Variants in DNAH2 observed in about 807,000 individuals in gnomAD.
The protein encoded by DNAH2 is axonemal beta dynein heavy chain 2.
DNAH2 carries 323 observed loss-of-function variants against 523.5 expected under a neutral mutation model. The observed-to-expected ratio is 0.62, with a 90% CI of 0.56 to 0.68. DNAH2 has a LOEUF of 0.68. DNAH2 is among the 30% of genes least tolerant of loss of function. The pLI, the probability that DNAH2 is intolerant of heterozygous loss-of-function variation, is 0.00. For missense variants in DNAH2, 4,907 were observed against 5,701.5 expected (o/e 0.86, Z 4.49); for synonymous variants, 2,093 against 2,177.4 (o/e 0.96, Z 1.08).
At chr17:7,825,446 A>G (rs73977765) in intron 77 of DNAH2, among the ~76,000 whole-genome samples, 13,528 of 152,234 alleles carry the variant, frequency 0.089, 1,978 homozygotes, top group African/African-American at 0.31. Context: ...TTTCATCATT[A>G]TTAATCCTCC....
At chr17:7,797,965 G>T (rs1174775069) in intron 53 of DNAH2, 136 bp downstream of exon 53, 2 of 1,407,276 alleles carry the variant, frequency 1.4e-6, no homozygotes, top group Non-Finnish European at 1.9e-6. Flanking sequence ...GATGCCCTGT[G>T]GCAGTGTGTG....
At chr17:7,825,282 G>A (rs573673273) in intron 77 of DNAH2, among the ~76,000 whole-genome samples, 92 of 152,218 alleles carry the variant, frequency 6.0e-4, no homozygotes, top group African/African-American at 2.0e-3. Context: ...GTGTCACTGC[G>A]CTTCACCCAC....
At chr17:7,720,396 G>T (rs1360407620) in intron 2 of DNAH2, among the ~76,000 whole-genome samples, 2 of 152,172 alleles carry the variant, frequency 1.3e-5, no homozygotes, top group Admixed American at 6.6e-5. Context: ...CCTCATTTTG[G>T]CAGGGACTTG....
At chr17:7,814,743 G>A (rs929149418) in intron 63 of DNAH2, among the ~76,000 whole-genome samples, 2 of 152,134 alleles carry the variant, frequency 1.3e-5, no homozygotes, top group Middle Eastern at 3.2e-3. Context: ...CCAGCTACTC[G>A]GGAGGCTGAG....
At chr17:7,753,061 A>G (rs372898018) in intron 12 of DNAH2, among the ~76,000 whole-genome samples, 1 of 152,200 alleles carries the variant, frequency 6.6e-6, no homozygotes, top group East Asian at 1.9e-4. Context: ...GTTGCCATTT[A>G]TCATCACACT....
intron 39 of DNAH2, among the ~76,000 whole-genome samples, 161 bp from the exon 40 acceptor site, chr17:7,785,963 A>G (rs2076721734): frequency 6.6e-6 from 1 of 152,152 alleles, no homozygotes; most frequent in Admixed American, 6.6e-5. Context: ...CAACTCTGCA[A>G]TGGGCCAGCT....
In DNAH2 at chr17:7,743,160, C is replaced by T; in HGVS notation, c.1904+18C>T. The T allele has an allele frequency of 1.2e-6, 2 of 1,609,734 alleles. No individual in the cohort carries two copies. Among genetic ancestry groups the T allele is most frequent in the Non-Finnish European group, 1.7e-6 (2 of 1,178,664 alleles). ...TTTGACAAGTACAGGAGCCACCTGG[C>T]CCCTTTTCCCTATACTCCCCTTCTG... On this transcript the variant is annotated intron_variant, in intron 12 of 85. Coordinates refer to ENST00000572933, the MANE Select transcript of DNAH2 (RefSeq NM_020877.5).
chr17:7,733,457 A>C, intron 5 of DNAH2, 142 bp downstream of exon 5: 1 of 664,606 alleles, frequency 1.5e-6, no homozygotes, highest in Non-Finnish European at 2.4e-6. Flanking sequence ...AATAGGGTAC[A>C]AGATCCGCCT....
chr17:7,763,755 C>A, intron 18 of DNAH2, 76 bp from the exon 19 acceptor site: 1 of 1,563,486 alleles, frequency 6.4e-7, no homozygotes, highest in Non-Finnish European at 8.8e-7. Context: ...GGAAATGAGA[C>A]CTGCAGCCCG....
At chr17:7,759,194 C>G (rs1287474186) in intron 15 of DNAH2, 70 bp downstream of exon 15, 4 of 1,594,108 alleles carry the variant, frequency 2.5e-6, no homozygotes, top group African/African-American at 2.7e-5. Context: ...AGGCCATTCT[C>G]TTGCTCCCCG....
chr17:7,738,246 G>A (rs1422366499), intron 8 of DNAH2: 1 of 615,358 alleles, frequency 1.6e-6, no homozygotes, highest in Non-Finnish European at 3.0e-6. Context: ...AGACCCAGGA[G>A]TTTCTACATC....
At chr17:7,761,011 G>A (rs1234286546) in intron 18 of DNAH2, 79 bp downstream of exon 18, 7 of 1,551,486 alleles carry the variant, frequency 4.5e-6, no homozygotes, top group Non-Finnish European at 5.3e-6. Context: ...AGAGTCTTGG[G>A]AAGTGGGTAG....
In DNAH2 at chr17:7,806,658, CAAAAA is replaced by C. The variant is rs66460228; in HGVS notation, c.9443-472_9443-468del. 8.5e-3 allele frequency among the ~76,000 whole-genome samples: 517 copies of C among 60,570 alleles called. 7 individuals are homozygous for C. The highest frequency in any genetic ancestry group is 0.03 in the African/African-American group (474 of 15,634). The allele number at this position is 60,570 out of a possible 152,430, so 39.7% of individuals were successfully genotyped here. Reference sequence around the variant, plus strand: ...TGGGCAACAGAGCGACACTCCATCTCAAAAAAAAAAAAAAAAAAAAAAAAGATAGA... The same window carrying C: ...TGGGCAACAGAGCGACACTCCATCTCAAAAAAAAAAAAAAAAAAAGATAGA... On this transcript the variant is annotated intron_variant, in intron 61 of 85. Transcript: ENST00000572933.
Position 7,774,893 on chromosome 17 carries a change from C to G in DNAH2, c.4636C>G (p.Leu1546Val). The G allele has an allele frequency of 6.2e-7, 1 of 1,614,226 alleles. No homozygotes were observed. Among genetic ancestry groups the G allele is most frequent in the African/African-American group, 1.3e-5 (1 of 75,062 alleles). ...FLSNDDLLEI[L>V]GQSRNPEAVQ... ...GTCCAATGATGACCTGCTGGAGATT[C>G]TGGGCCAGTCCCGAAACCCAGAGGC... Residue 1546 changes from leucine to valine, a missense_variant, in exon 29 of 86, where the codon CTG becomes GTG. Physicochemically the swap from Leu to Val is conservative, Grantham distance 32 (BLOSUM62 1). Transcript: ENST00000572933.
intron 44 of DNAH2, among the ~76,000 whole-genome samples, chr17:7,791,085 T>C (rs566802731): frequency 1.1e-4 from 16 of 151,964 alleles, no homozygotes; most frequent in Non-Finnish European, 1.8e-4. Flanking sequence ...TTTTTTTTTG[T>C]TTTTGGAGAT....
intron 24 of DNAH2, among the ~76,000 whole-genome samples, chr17:7,768,804 C>T (rs943716950): frequency 6.6e-6 from 1 of 152,190 alleles, no homozygotes; most frequent in Non-Finnish European, 1.5e-5. Context: ...CGGTGTTTGT[C>T]TTTCTTCGCC....
intron 59 of DNAH2, among the ~76,000 whole-genome samples, chr17:7,804,670 A>G (rs1185472670): frequency 6.6e-6 from 1 of 151,838 alleles, no homozygotes; most frequent in East Asian, 1.9e-4. Flanking sequence ...ACATGGTGAA[A>G]CCCTGTCTCT....
chr17:7,745,420 G>A (rs1331325594), intron 12 of DNAH2, among the ~76,000 whole-genome samples: 1 of 152,110 alleles, frequency 6.6e-6, no homozygotes, highest in East Asian at 1.9e-4. Context: ...CTTAATACCT[G>A]GGTGACAAAA....
rs1309559461 is a variant in DNAH2, at chr17:7,802,696, C to T, written c.8972+679C>T. ...TTTTTTTTTTTTAGACGGAGTCTCG[C>T]TCTGTTGCCCAGGCTGGAGTGCAGT... On this transcript the variant is annotated intron_variant, in intron 58 of 85. Transcript: ENST00000572933. Among the ~76,000 whole-genome samples the T allele has an allele frequency of 2.0e-5, 3 of 152,022 alleles. No homozygotes were observed. In the East Asian group the frequency reaches 5.8e-4, roughly 29 times the overall value.
Sources: gnomAD v4.1 joint callset for allele counts (sites outside exome capture counted in the v4.1 genomes callset) on GRCh38, gnomAD v4.1.1 for gene constraint, MANE v1.5 for transcripts, NCBI Gene and HGNC (gene_info 2026-07-23, HGNC 2026-07-21) for gene names.